The following FOCAD variants were observed in gnomAD, a reference collection of about 807,000 sequenced individuals.
FOCAD encodes focadhesin, also known as KIAA1797.
FOCAD carries 198 observed loss-of-function variants against 225.6 expected under a neutral mutation model. The ratio of observed to expected loss-of-function variants is 0.88; its 90% confidence interval spans 0.78 to 0.99. The LOEUF (loss-of-function observed/expected upper bound fraction) is 0.99, where lower values mean the gene tolerates loss of function less well. FOCAD is among the 50% of genes least tolerant of loss of function. FOCAD has a pLI of 0.00. For missense variants in FOCAD, 2,713 were observed against 2,123.6 expected (o/e 1.28, Z -5.46); for synonymous variants, 897 against 755.0 (o/e 1.19, Z -3.08).
At chr9:20,690,272 C>A (rs1217410691) in intron 1 of FOCAD, among the ~76,000 whole-genome samples, 1 of 152,216 alleles carries the variant, frequency 6.6e-6, no homozygotes, top group Non-Finnish European at 1.5e-5. Flanking sequence ...GCATCTCTCT[C>A]TCTGAACATT....
intron 35 of FOCAD, among the ~76,000 whole-genome samples, chr9:20,953,725 C>T (rs1837890768): frequency 6.6e-6 from 1 of 152,118 alleles, no homozygotes; most frequent in South Asian, 2.1e-4. Context: ...TAGAACTGAA[C>T]ATGTCATGGC....
intron 9 of FOCAD, among the ~76,000 whole-genome samples, chr9:20,780,898 A>C (rs758207467): frequency 2.6e-5 from 4 of 152,234 alleles, no homozygotes; most frequent in Non-Finnish European, 5.9e-5. Flanking sequence ...TATCATGTTA[A>C]GGTTTGACCT....
intron 16 of FOCAD, 180 bp downstream of exon 16, chr9:20,862,892 G>A (rs942257595): frequency 5.0e-5 from 24 of 482,412 alleles, no homozygotes; most frequent in African/African-American, 4.8e-4. Context: ...TGTCTAAAAT[G>A]TATTTACATA....
At chr9:20,757,818 G>A (rs1829193549) in intron 5 of FOCAD, among the ~76,000 whole-genome samples, 2 of 152,138 alleles carry the variant, frequency 1.3e-5, no homozygotes, top group African/African-American at 2.4e-5. Context: ...TCACAGAACT[G>A]TTAAATGGAA....
At chr9:20,907,003 T>G in intron 21 of FOCAD, 147 bp from the exon 22 acceptor site, 1 of 603,356 alleles carries the variant, frequency 1.7e-6, no homozygotes, top group Non-Finnish European at 2.9e-6. Flanking sequence ...CCAAAAGATA[T>G]TATTTGTGGT....
intron 1 of FOCAD, among the ~76,000 whole-genome samples, chr9:20,705,401 G>A (rs1364128301): frequency 6.6e-6 from 1 of 152,036 alleles, no homozygotes; most frequent in African/African-American, 2.4e-5. Flanking sequence ...TAAGAATTAG[G>A]TAGGTTATTT....
At chr9:20,898,979 G>C (rs1832337848) in intron 21 of FOCAD, among the ~76,000 whole-genome samples, 1 of 151,744 alleles carries the variant, frequency 6.6e-6, no homozygotes. Flanking sequence ...TAATTCCTTA[G>C]GTGGGATAGG....
intron 11 of FOCAD, among the ~76,000 whole-genome samples, chr9:20,807,424 G>A (rs865950199): frequency 7.2e-5 from 11 of 152,230 alleles, no homozygotes; most frequent in African/African-American, 2.2e-4. Flanking sequence ...AGCTACATAC[G>A]TAGGTTTAAG....
intron 13 of FOCAD, 81 bp from the exon 14 acceptor site, chr9:20,820,860 T>C (rs1019482362): frequency 6.1e-6 from 9 of 1,477,732 alleles, no homozygotes; most frequent in Non-Finnish European, 8.3e-6. Flanking sequence ...GATTTGGAGG[T>C]GAAAATGCTG....
chr9:20,857,745 T>C (rs1423440535), intron 15 of FOCAD, among the ~76,000 whole-genome samples: 1 of 150,490 alleles, frequency 6.6e-6, no homozygotes, highest in East Asian at 1.9e-4. Flanking sequence ...TTTATTGTGT[T>C]AAGGTATGTT....
intron 6 of FOCAD, among the ~76,000 whole-genome samples, chr9:20,760,760 T>G (rs1433586924): frequency 6.6e-6 from 1 of 152,192 alleles, no homozygotes; most frequent in Non-Finnish European, 1.5e-5. Flanking sequence ...GGGACTGTGT[T>G]TCATTATTCT....
chr9:20,796,441 A>G (rs1426094467), intron 11 of FOCAD, among the ~76,000 whole-genome samples: 1 of 152,164 alleles, frequency 6.6e-6, no homozygotes, highest in Non-Finnish European at 1.5e-5. Flanking sequence ...ACAGTGTAAA[A>G]GTGTTCCTGT....
chr9:20,890,705 C>G lies in FOCAD; in HGVS notation c.2625+5475C>G, dbSNP rs151202837. Among the ~76,000 whole-genome samples, 145 of 152,046 alleles carry G rather than the reference C, an allele frequency of 9.5e-4. 1 individual carries two copies. Among genetic ancestry groups the G allele is most frequent in the Non-Finnish European group, 1.8e-3 (119 of 67,952 alleles). On this transcript the variant is annotated intron_variant, in intron 21 of 43. Coordinates refer to ENST00000338382, the MANE Select transcript of FOCAD (RefSeq NM_001375567.1). ...AATAAAGCAAGTTGTGTAGAGTTCCCCTCTTTTTTATTTCCCGAAATAGTT... is the reference window on the plus strand; with the variant it reads ...AATAAAGCAAGTTGTGTAGAGTTCCGCTCTTTTTTATTTCCCGAAATAGTT...
rs986180096 is a variant in FOCAD at position 20,826,555 on chromosome 9, G to A, written c.1920+3440G>A. Among the ~76,000 whole-genome samples, 6 of 152,020 alleles carry A rather than the reference G, an allele frequency of 3.9e-5. No individual in the cohort carries two copies. The East Asian group carries it at 5.8e-4, about 15-fold the overall frequency. On this transcript the variant is annotated intron_variant, in intron 15 of 43. Transcript: ENST00000338382. ...TATTGTGGGGCTTCACCTTGTGATC[G>A]TGTGAGTCAAGACTCGTTAATAAAC...
At chr9:20,746,538 A>AAATAAAAATC (rs1828051773) in intron 5 of FOCAD, among the ~76,000 whole-genome samples, 1 of 152,212 alleles carries the variant, frequency 6.6e-6, no homozygotes, top group South Asian at 2.1e-4. Flanking sequence ...ACTCCCATGT[A>AAATAAAAATC]CCATTTACCC....
In FOCAD at chr9:20,765,156, T is replaced by A; in HGVS notation, c.699+83T>A. The A allele has an allele frequency of 1.6e-6, 2 of 1,278,488 alleles. 1 individual carries two copies. Among genetic ancestry groups the A allele is most frequent in the South Asian group, 3.1e-5 (2 of 64,486 alleles). The allele number at this position is 1,278,488 out of a possible 1,614,324, so 79.2% of individuals were successfully genotyped here. A position where few individuals can be genotyped will look rare whatever the true frequency, so the allele number is the denominator to read the frequency against. On this transcript the variant is annotated intron_variant, in intron 7 of 43. Coordinates refer to ENST00000338382, the MANE Select transcript of FOCAD (RefSeq NM_001375567.1). Reference sequence around the variant, plus strand: ...TCATAGACAAAGTAGTTCTAGAACATAAGTGATTTGGCAAACTCAGACATG... The same window carrying A: ...TCATAGACAAAGTAGTTCTAGAACAAAAGTGATTTGGCAAACTCAGACATG...
intron 10 of FOCAD, among the ~76,000 whole-genome samples, chr9:20,783,342 T>G (rs966332537): frequency 6.6e-6 from 1 of 152,108 alleles, no homozygotes; most frequent in Admixed American, 6.6e-5. Flanking sequence ...AGATATATGA[T>G]CACTGTTTTA....
intron 5 of FOCAD, among the ~76,000 whole-genome samples, chr9:20,745,114 ATT>A (rs35957143): frequency 6.8e-6 from 1 of 146,358 alleles, no homozygotes. Context: ...TTATTTAAAC[ATT>A]TTTTTTTTTT....
chr9:20,751,274 A>G (rs1177391535), intron 5 of FOCAD, among the ~76,000 whole-genome samples: 1 of 146,518 alleles, frequency 6.8e-6, no homozygotes, highest in Non-Finnish European at 1.5e-5. Context: ...CTCGTCATCT[A>G]GCATTAGGTA....
Sources: gnomAD v4.1 joint callset for allele counts (sites outside exome capture counted in the v4.1 genomes callset) on GRCh38, gnomAD v4.1.1 for gene constraint, MANE v1.5 for transcripts, NCBI Gene and HGNC (gene_info 2026-07-23, HGNC 2026-07-21) for gene names.